The following ATRNL1 variants were observed in gnomAD, a reference collection of about 807,000 sequenced individuals.
ATRNL1 encodes attractin like 1.
A neutral mutation model predicts 182.7 loss-of-function variants in ATRNL1; 95 were observed. The observed-to-expected ratio is 0.52, with a 90% CI of 0.44 to 0.62. The LOEUF (loss-of-function observed/expected upper bound fraction) is 0.62, where lower values mean the gene tolerates loss of function less well. Among genes scored for constraint, ATRNL1 ranks in the 20% least tolerant of loss-of-function variants. The pLI is 0.00. For missense variants in ATRNL1, 1,471 were observed against 1,679.5 expected, an observed-to-expected ratio of 0.88 and a Z score of 2.17; for synonymous variants, 576 against 568.3, an observed-to-expected ratio of 1.01 and a Z score of -0.19.
intron 24 of ATRNL1, among the ~76,000 whole-genome samples, chr10:115,473,363 A>T (rs576755115): frequency 6.6e-6 from 1 of 150,814 alleles, no homozygotes; most frequent in Admixed American, 6.6e-5. Context: ...ATTCATTTTT[A>T]TTTATTTGTT....
chr10:115,188,718 C>G (rs992175514), intron 8 of ATRNL1, among the ~76,000 whole-genome samples: 1 of 128,742 alleles, frequency 7.8e-6, no homozygotes, highest in Non-Finnish European at 1.6e-5. Flanking sequence ...ATGAGTTTCT[C>G]CTCTGCTCTT....
chr10:115,401,523 C>T (rs1458881857), intron 20 of ATRNL1, among the ~76,000 whole-genome samples: 1 of 152,128 alleles, frequency 6.6e-6, no homozygotes, highest in Non-Finnish European at 1.5e-5. Flanking sequence ...TTATGATATT[C>T]TCAAATATGA....
intron 27 of ATRNL1, among the ~76,000 whole-genome samples, chr10:115,823,520 T>C (rs1323927726): frequency 6.6e-6 from 1 of 152,224 alleles, no homozygotes; most frequent in African/African-American, 2.4e-5. Context: ...ATTGTATATT[T>C]AGAAAACCCC....
intron 26 of ATRNL1, among the ~76,000 whole-genome samples, chr10:115,685,554 G>C (rs916506929): frequency 6.6e-6 from 1 of 151,764 alleles, no homozygotes; most frequent in Non-Finnish European, 1.5e-5. Context: ...TAGATAATTC[G>C]TCTTATGCCA....
chr10:115,672,509 C>T (rs1177466423), intron 26 of ATRNL1, among the ~76,000 whole-genome samples: 6 of 151,968 alleles, frequency 3.9e-5, no homozygotes, highest in South Asian at 2.1e-4. Flanking sequence ...GAAAACATTT[C>T]GACTGGTGCA....
In ATRNL1 at chr10:115,744,701, A is replaced by G. The variant is rs887142806; in HGVS notation, c.3903+17346A>G. On this transcript the variant is annotated intron_variant, in intron 27 of 28. Coordinates refer to ENST00000355044, the MANE Select transcript of ATRNL1 (RefSeq NM_207303.4). ...TCAGCCTCCCACTGTATTGAATTTA[A>G]TGTGAGTGTATGAATATGTAAATGC... is the stretch of plus-strand genomic sequence containing the variant. Among the ~76,000 whole-genome samples, 11 of 152,080 alleles carry G rather than the reference A, an allele frequency of 7.2e-5. No individual in the cohort carries two copies. In the East Asian group the frequency reaches 1.2e-3, roughly 16 times the overall value.
chr10:115,644,066 T>A (rs1859442369), intron 26 of ATRNL1, among the ~76,000 whole-genome samples: 1 of 152,152 alleles, frequency 6.6e-6, no homozygotes, highest in African/African-American at 2.4e-5. Flanking sequence ...CAATCTAATA[T>A]TCATCACCTG....
rs114028177 is a variant in ATRNL1 at position 115,458,727 on chromosome 10, G to C, written c.3323-3214G>C. On this transcript the variant is annotated intron_variant, in intron 21 of 28. Coordinates refer to ENST00000355044, the MANE Select transcript of ATRNL1 (RefSeq NM_207303.4). The stretch of plus-strand genomic sequence containing the variant: ...AGTCTCCCAGTTCCTACCTCCAAAA[G>C]GGCATTTATTTCCTGGCTTATTAAT... Among the ~76,000 whole-genome samples, 1,216 of 152,068 alleles carry C rather than the reference G, an allele frequency of 8.0e-3. 16 individuals carry two copies. The highest frequency in any genetic ancestry group is 0.027 in the African/African-American group (1,120 of 41,472).
chr10:115,503,401 A>G (rs1013443918), intron 24 of ATRNL1, among the ~76,000 whole-genome samples: 3 of 151,908 alleles, frequency 2.0e-5, no homozygotes, highest in Non-Finnish European at 2.9e-5. Flanking sequence ...GGACATGAGG[A>G]AAAAAAATTA....
At chr10:115,468,623 T>C (rs73371439) in intron 23 of ATRNL1, among the ~76,000 whole-genome samples, 4,070 of 151,024 alleles carry the variant, frequency 0.027, 220 homozygotes, top group African/African-American at 0.094. Flanking sequence ...TGTTTTAAAT[T>C]GTGGCCTCCA....
chr10:115,473,116 CT>C (rs1169341356), intron 24 of ATRNL1, among the ~76,000 whole-genome samples: 5 of 151,064 alleles, frequency 3.3e-5, no homozygotes, highest in Non-Finnish European at 7.4e-5. Context: ...AATTTTTGTC[CT>C]TCATTCTGTT....
intron 26 of ATRNL1, among the ~76,000 whole-genome samples, chr10:115,614,244 G>T (rs1402562086): frequency 1.3e-5 from 2 of 151,842 alleles, no homozygotes; most frequent in Non-Finnish European, 2.9e-5. Flanking sequence ...CTTGTTTCAA[G>T]ATTTTTTTTT....
intron 15 of ATRNL1, among the ~76,000 whole-genome samples, chr10:115,291,164 G>C (rs1852884526): frequency 6.6e-6 from 1 of 152,114 alleles, no homozygotes; most frequent in African/African-American, 2.4e-5. Flanking sequence ...GTCTTGCTCA[G>C]GACTCTCTTA....
intron 7 of ATRNL1, among the ~76,000 whole-genome samples, chr10:115,168,229 T>C (rs1592202285): frequency 6.6e-6 from 1 of 152,290 alleles, no homozygotes; most frequent in Middle Eastern, 3.4e-3. Flanking sequence ...TATTCATCGG[T>C]TGAGGACATT....
At chr10:115,432,452 G>A (rs1305727770) in intron 21 of ATRNL1, among the ~76,000 whole-genome samples, 2 of 152,090 alleles carry the variant, frequency 1.3e-5, no homozygotes, top group African/African-American at 4.8e-5. Context: ...TTGAAAAGAA[G>A]TGATGCTTAA....
chr10:115,160,354 A>G (rs1257922182), intron 6 of ATRNL1, 140 bp downstream of exon 6: 5 of 684,012 alleles, frequency 7.3e-6, no homozygotes, highest in African/African-American at 1.8e-5. Context: ...TGATTTGTGA[A>G]TACATGAACT....
chr10:115,270,311 ATT>A (rs1851794522), intron 13 of ATRNL1, among the ~76,000 whole-genome samples: 10 of 141,838 alleles, frequency 7.1e-5, no homozygotes, highest in East Asian at 3.9e-4. Context: ...TTGTTTATAT[ATT>A]ATATATAAAT....
chr10:115,861,413 G>A (rs1951313985), intron 28 of ATRNL1, among the ~76,000 whole-genome samples: 1 of 152,066 alleles, frequency 6.6e-6, no homozygotes, highest in South Asian at 2.1e-4. Flanking sequence ...GTGCATGTTG[G>A]TGCTAATGTC....
At chr10:115,645,831 C>A (rs1315287784) in intron 26 of ATRNL1, among the ~76,000 whole-genome samples, 4 of 151,984 alleles carry the variant, frequency 2.6e-5, no homozygotes, top group African/African-American at 7.2e-5. Flanking sequence ...TTTCCTGCCA[C>A]CCCATCCCTA....
Sources: allele counts gnomAD v4.1 joint callset (sites outside exome capture counted in the v4.1 genomes callset), GRCh38; gene constraint gnomAD v4.1.1; transcripts MANE v1.5; gene names NCBI Gene and HGNC (gene_info 2026-07-23, HGNC 2026-07-21).